Variants in RIPOR3 observed in about 807,000 individuals in gnomAD.
RIPOR3 encodes the protein RIPOR family member 3, also known as family with sequence similarity 65 member C.
A neutral mutation model predicts 114.3 loss-of-function variants in RIPOR3; 95 were observed. The observed-to-expected ratio is 0.83, with a 90% CI of 0.70 to 0.99. The LOEUF (loss-of-function observed/expected upper bound fraction) is 0.99, where lower values mean the gene tolerates loss of function less well. RIPOR3 is among the 50% of genes least tolerant of loss of function. The probability of loss-of-function intolerance (pLI) is 0.00; values close to 1 mark genes in which losing one functional copy is unlikely to be tolerated. For missense variants in RIPOR3, 1,252 were observed against 1,266.9 expected (o/e 0.99, Z 0.18); for synonymous variants, 575 against 543.8 (o/e 1.06, Z -0.80).
intron 1 of RIPOR3, among the ~76,000 whole-genome samples, chr20:50,680,484 G>A (rs1156783694): frequency 1.3e-5 from 2 of 152,218 alleles, no homozygotes; most frequent in Non-Finnish European, 2.9e-5. Flanking sequence ...ATTGGCAACA[G>A]AAATGGAATT....
chr20:50,687,159 C>T (rs2087055968), intron 1 of RIPOR3, among the ~76,000 whole-genome samples: 1 of 152,220 alleles, frequency 6.6e-6, no homozygotes, highest in Admixed American at 6.5e-5. Flanking sequence ...CCGCTGCGGA[C>T]AGAATCCAGA....
intron 1 of RIPOR3, among the ~76,000 whole-genome samples, chr20:50,676,768 A>C (rs1238630189): frequency 2.9e-5 from 4 of 139,886 alleles, no homozygotes; most frequent in East Asian, 2.1e-4. Context: ...TCCAGATTCT[A>C]CTTTTTTTTT....
At chr20:50,633,162 T>C (rs538143813) in intron 1 of RIPOR3, among the ~76,000 whole-genome samples, 1 of 152,260 alleles carries the variant, frequency 6.6e-6, no homozygotes, top group Admixed American at 6.5e-5. Context: ...CTCGGGAGGC[T>C]GAGGCAGGAG....
chr20:50,633,820 G>A (rs2084895179), intron 1 of RIPOR3, among the ~76,000 whole-genome samples: 1 of 152,180 alleles, frequency 6.6e-6, no homozygotes, highest in African/African-American at 2.4e-5. Context: ...AAGGCTCGGA[G>A]CAGACCTGCA....
In RIPOR3 at chr20:50,593,019, C is replaced by G. The variant is rs2083163810; in HGVS notation, c.2374+16G>C. On this transcript the variant is annotated intron_variant, in intron 18 of 21. Coordinates refer to ENST00000327979, the MANE Select transcript of RIPOR3 (RefSeq NM_001290268.2). ...GGATATTCCTCTGCTATGACAGCCA[C>G]CCACCCCAGTCTTACCTTCCTTGGT... The G allele has an allele frequency of 6.2e-7, 1 of 1,613,096 alleles. No homozygotes were observed. Among genetic ancestry groups the G allele is most frequent in the Non-Finnish European group, 8.5e-7 (1 of 1,179,708 alleles).
rs141150669 is a variant in RIPOR3 at position 50,661,822 on chromosome 20, G to A, written c.3+29304C>T. On this transcript the variant is annotated intron_variant, in intron 1 of 21. Transcript: ENST00000327979. ...TCCATTTCCCCTGGGGTCCCGCGCAGGACAGCTGCTGTCCATAGCCAGTTC... is the reference window on the plus strand; with the variant it reads ...TCCATTTCCCCTGGGGTCCCGCGCAAGACAGCTGCTGTCCATAGCCAGTTC... Among the ~76,000 whole-genome samples the A allele has an allele frequency of 7.2e-5, 11 of 152,340 alleles. No homozygotes were observed. The East Asian group carries it at 1.9e-3, about 27-fold the overall frequency.
chr20:50,627,670 GA>G (rs1354727782), intron 2 of RIPOR3, among the ~76,000 whole-genome samples: 1 of 151,800 alleles, frequency 6.6e-6, no homozygotes, highest in Non-Finnish European at 1.5e-5. Flanking sequence ...GCGAGAGAGA[GA>G]AACTGTCTCA....
chr20:50,631,169 C>T (rs1260335555), intron 1 of RIPOR3, among the ~76,000 whole-genome samples: 2 of 152,144 alleles, frequency 1.3e-5, no homozygotes, highest in Non-Finnish European at 2.9e-5. Flanking sequence ...GCCCTCTCAC[C>T]CCCCGAGCTT....
chr20:50,595,489 T>A lies in RIPOR3; in HGVS notation c.1930A>T (p.Asn644Tyr). ...CATTCCTGGACCAGCCTTGATAAATTAGGGGAGGCCAGTTTCTGGGAAGCA... is the reference window on the plus strand; with the variant it reads ...CATTCCTGGACCAGCCTTGATAAATAAGGGGAGGCCAGTTTCTGGGAAGCA... ...KALLQKLASPNLSRLVQECLL... is the reference protein window; with the variant it reads ...KALLQKLASPYLSRLVQECLL... The change falls in exon 16 of 22, where the codon AAT (asparagine) becomes TAT (tyrosine). Residue 644 changes from asparagine (N) to tyrosine (Y), a missense_variant. Transcript: ENST00000327979. The A allele has an allele frequency of 6.2e-7, 1 of 1,613,988 alleles. No homozygotes were observed. Among genetic ancestry groups the A allele is most frequent in the South Asian group, 1.1e-5 (1 of 91,072 alleles).
At chr20:50,592,641 G>T in intron 18 of RIPOR3, 95 bp from the exon 19 acceptor site, 1 of 1,169,074 alleles carries the variant, frequency 8.6e-7, no homozygotes, top group Non-Finnish European at 1.1e-6. Context: ...AGCCACAGAG[G>T]AACAAATCCC....
At chr20:50,644,844 ATT>A (rs34862675) in intron 1 of RIPOR3, among the ~76,000 whole-genome samples, 5,058 of 136,548 alleles carry the variant, frequency 0.037, 292 homozygotes, top group African/African-American at 0.12. Flanking sequence ...TTTATTTTTT[ATT>A]TTTTTTTTTT....
chr20:50,593,247 C>A (rs1288617512), intron 17 of RIPOR3, 51 bp from the exon 18 acceptor site: 1 of 1,579,044 alleles, frequency 6.3e-7, no homozygotes, highest in Non-Finnish European at 8.6e-7. Context: ...CGACCCTCCA[C>A]GCTTCTCAGC....
intron 4 of RIPOR3, among the ~76,000 whole-genome samples, chr20:50,611,950 C>T (rs570611150): frequency 6.6e-6 from 1 of 151,944 alleles, no homozygotes; most frequent in South Asian, 2.1e-4. Context: ...GTGGCGAAAC[C>T]CCATCTCTAC....
At chr20:50,669,129 C>T (rs1244020757) in intron 1 of RIPOR3, among the ~76,000 whole-genome samples, 1 of 151,996 alleles carries the variant, frequency 6.6e-6, no homozygotes, top group African/African-American at 2.4e-5. Flanking sequence ...CACATGTGCA[C>T]ACATGGTGCA....
At chr20:50,600,716 C>T (rs529857763) in intron 13 of RIPOR3, among the ~76,000 whole-genome samples, 229 of 152,136 alleles carry the variant, frequency 1.5e-3, no homozygotes, top group South Asian at 2.5e-3. Flanking sequence ...GCCAAGATTG[C>T]ACCACTGAAC....
At chr20:50,609,940 A>ACCTGCCACC (rs2083890416) in intron 6 of RIPOR3, among the ~76,000 whole-genome samples, 11 of 145,982 alleles carry the variant, frequency 7.5e-5, no homozygotes, top group South Asian at 2.2e-4. Context: ...CATCTGCCTC[A>ACCTGCCACC]CCTGCCTCAC....
intron 1 of RIPOR3, among the ~76,000 whole-genome samples, chr20:50,664,881 C>T (rs1293987315): frequency 6.6e-6 from 1 of 152,120 alleles, no homozygotes; most frequent in Non-Finnish European, 1.5e-5. Flanking sequence ...GCAGGAGGAT[C>T]ACCTGAGGTT....
chr20:50,591,476 C>G (rs984007783), intron 19 of RIPOR3, among the ~76,000 whole-genome samples: 3 of 152,110 alleles, frequency 2.0e-5, no homozygotes, highest in Non-Finnish European at 4.4e-5. Flanking sequence ...TTATATTGCT[C>G]TGTCTACTTT....
intron 12 of RIPOR3, among the ~76,000 whole-genome samples, chr20:50,604,198 C>G (rs1372262360): frequency 6.8e-6 from 1 of 147,570 alleles, no homozygotes; most frequent in East Asian, 2.0e-4. Flanking sequence ...AAAAAAAAAA[C>G]AAAGAAAAAA....
Sources: gnomAD v4.1 joint callset for allele counts (sites outside exome capture counted in the v4.1 genomes callset) on GRCh38, gnomAD v4.1.1 for gene constraint, MANE v1.5 for transcripts, NCBI Gene and HGNC (gene_info 2026-07-23, HGNC 2026-07-21) for gene names.